ABI1: variants seen among roughly 807,000 people sequenced by gnomAD.
The protein encoded by ABI1 is Abelson interactor 1.
Under a neutral mutation model 54.6 loss-of-function variants are expected in ABI1, and 14 were observed. The ratio of observed to expected loss-of-function variants is 0.26; its 90% confidence interval spans 0.17 to 0.40. The LOEUF (loss-of-function observed/expected upper bound fraction) is 0.40, where lower values mean the gene tolerates loss of function less well. Ranked by LOEUF, ABI1 falls within the 10% of genes least tolerant of loss-of-function variation. The pLI, the probability that ABI1 is intolerant of heterozygous loss-of-function variation, is 1.00. For synonymous variants in ABI1, 194 were observed against 209.3 expected, an observed-to-expected ratio of 0.93 and a Z score of 0.63; for missense variants, 443 against 598.3, an observed-to-expected ratio of 0.74 and a Z score of 2.71.
chr10:26,766,481 G>A (rs1196422581), intron 6 of ABI1, among the ~76,000 whole-genome samples: 3 of 152,130 alleles, frequency 2.0e-5, no homozygotes, highest in South Asian at 2.1e-4. Flanking sequence ...TGCAATGCCT[G>A]GATAAGATTT....
chr10:26,825,263 T>C (rs1007750251), intron 1 of ABI1, among the ~76,000 whole-genome samples: 1 of 152,190 alleles, frequency 6.6e-6, no homozygotes, highest in Non-Finnish European at 1.5e-5. Context: ...TGGCGGCTTG[T>C]ACCTGCAATC....
intron 7 of ABI1, among the ~76,000 whole-genome samples, chr10:26,761,662 A>ATATG (rs60800905): frequency 1.4e-5 from 1 of 70,872 alleles, no homozygotes; most frequent in Non-Finnish European, 2.8e-5. Context: ...ATATATATAT[A>ATATG]CACACACACA....
rs1053801992 is a variant in ABI1 at position 26,813,766 on chromosome 10, C to T, written c.285+9372G>A. ...TTCAGAAATGTAAAACAATGCCACT[C>T]TTCTCATAAATTTATTTGTTTTGGA... On this transcript the variant is annotated intron_variant, in intron 2 of 10. Coordinates refer to ENST00000376140, the MANE Select transcript of ABI1 (RefSeq NM_001012750.3). 2.0e-5 allele frequency among the ~76,000 whole-genome samples: 3 copies of T among 152,302 alleles called. No individual in the cohort carries two copies. In the South Asian group the frequency reaches 6.2e-4, roughly 32 times the overall value.
At chr10:26,786,346 C>CA (rs1277410669) in intron 2 of ABI1, among the ~76,000 whole-genome samples, 1 of 152,006 alleles carries the variant, frequency 6.6e-6, no homozygotes, top group Non-Finnish European at 1.5e-5. Flanking sequence ...TCCCGAGTAG[C>CA]TGGGACTACA....
chr10:26,813,443 G>C (rs2047366612), intron 2 of ABI1, among the ~76,000 whole-genome samples: 1 of 152,286 alleles, frequency 6.6e-6, no homozygotes, highest in South Asian at 2.1e-4. Flanking sequence ...AGAAACTACA[G>C]GTGGGGATGT....
intron 2 of ABI1, among the ~76,000 whole-genome samples, chr10:26,778,601 G>A (rs552526660): frequency 4.0e-5 from 6 of 151,638 alleles, no homozygotes; most frequent in East Asian, 3.9e-4. Flanking sequence ...CTTTTTAATC[G>A]AGAAAGAACT....
intron 1 of ABI1, among the ~76,000 whole-genome samples, chr10:26,838,787 A>C (rs2049278571): frequency 1.3e-5 from 2 of 152,348 alleles, no homozygotes; most frequent in South Asian, 4.1e-4. Flanking sequence ...CCTAGCAAAC[A>C]ATGAGGAAAA....
chr10:26,767,422 C>T (rs928318230), intron 6 of ABI1, among the ~76,000 whole-genome samples: 4 of 152,108 alleles, frequency 2.6e-5, no homozygotes, highest in Admixed American at 6.5e-5. Context: ...AAGAGAGGTT[C>T]CCTGCCCACG....
chr10:26,856,861 T>C (rs762961314), intron 1 of ABI1, among the ~76,000 whole-genome samples: 17 of 152,298 alleles, frequency 1.1e-4, no homozygotes, highest in Non-Finnish European at 2.2e-4. Context: ...CCCAGAATAG[T>C]TCCCATAACA....
At chr10:26,780,741 G>C (rs79330761) in intron 2 of ABI1, among the ~76,000 whole-genome samples, 1 of 152,168 alleles carries the variant, frequency 6.6e-6, no homozygotes, top group Non-Finnish European at 1.5e-5. Flanking sequence ...TAACTTTGGG[G>C]AGAGCACAGA....
chr10:26,808,833 G>A (rs372261678), intron 2 of ABI1, among the ~76,000 whole-genome samples: 1 of 152,074 alleles, frequency 6.6e-6, no homozygotes, highest in Non-Finnish European at 1.5e-5. Flanking sequence ...GAAAGGGGGA[G>A]GGGACAGGGA....
intron 1 of ABI1, among the ~76,000 whole-genome samples, chr10:26,827,411 T>C (rs1017147918): frequency 3.3e-5 from 5 of 150,668 alleles, no homozygotes; most frequent in East Asian, 2.0e-4. Context: ...TTAGTAGAGA[T>C]AGGGTTTCAC....
At chr10:26,830,686 T>C (rs985956388) in intron 1 of ABI1, among the ~76,000 whole-genome samples, 6 of 152,032 alleles carry the variant, frequency 3.9e-5, no homozygotes, top group African/African-American at 1.4e-4. Context: ...ACAACATTAT[T>C]TGGCATTCTC....
Position 26,752,841 on chromosome 10 carries a change from T to C in ABI1, c.1085-1058A>G, listed in dbSNP as rs77188281. ...AGCTGGAACCCAATTAATGCTTAACTTAAATTTCTGATCAATAAATTTCTT... is the reference window on the plus strand; with the variant it reads ...AGCTGGAACCCAATTAATGCTTAACCTAAATTTCTGATCAATAAATTTCTT... On this transcript the variant is annotated intron_variant, in intron 9 of 10. Coordinates refer to ENST00000376140, the MANE Select transcript of ABI1 (RefSeq NM_001012750.3). 3.6e-3 allele frequency among the ~76,000 whole-genome samples: 546 copies of C among 152,288 alleles called. 5 individuals carry two copies. The highest frequency in any genetic ancestry group is 0.03 in the East Asian group (153 of 5,184).
intron 2 of ABI1, among the ~76,000 whole-genome samples, chr10:26,781,913 C>G (rs1461993628): frequency 6.6e-6 from 1 of 152,192 alleles, no homozygotes; most frequent in Non-Finnish European, 1.5e-5. Flanking sequence ...ACATATCTAT[C>G]ATCATAGAGT....
At chr10:26,840,642 T>C (rs1206760060) in intron 1 of ABI1, among the ~76,000 whole-genome samples, 1 of 152,192 alleles carries the variant, frequency 6.6e-6, no homozygotes, top group African/African-American at 2.4e-5. Context: ...CTTACAAAAC[T>C]GTAAGTATCA....
chr10:26,813,188 G>A (rs1327764490), intron 2 of ABI1, among the ~76,000 whole-genome samples: 1 of 151,670 alleles, frequency 6.6e-6, no homozygotes, highest in African/African-American at 2.4e-5. Context: ...GGCGGAGGTT[G>A]CAATGGGTCA....
chr10:26,820,683 G>A (rs2047916393), intron 2 of ABI1, among the ~76,000 whole-genome samples: 2 of 151,262 alleles, frequency 1.3e-5, no homozygotes, highest in Non-Finnish European at 2.9e-5. Flanking sequence ...CGCCTCCCAG[G>A]TTGAAGTAAT....
intron 2 of ABI1, among the ~76,000 whole-genome samples, chr10:26,786,938 C>A (rs1842797957): frequency 6.6e-6 from 1 of 152,330 alleles, no homozygotes; most frequent in South Asian, 2.1e-4. Flanking sequence ...TGAACGTGTT[C>A]AAAATCAAAC....
Sources: allele counts gnomAD v4.1 joint callset (sites outside exome capture counted in the v4.1 genomes callset), GRCh38; gene constraint gnomAD v4.1.1; transcripts MANE v1.5; gene names NCBI Gene and HGNC (gene_info 2026-07-23, HGNC 2026-07-21).